Variants in PDSS2 observed in about 807,000 individuals in gnomAD.
The protein encoded by PDSS2 is all trans-polyprenyl-diphosphate synthase PDSS2.
PDSS2 carries 31 observed loss-of-function variants against 44.5 expected under a neutral mutation model. The observed-to-expected ratio is 0.70, with a 90% CI of 0.52 to 0.94. PDSS2 has a LOEUF of 0.94. Ranked by LOEUF, PDSS2 falls within the 40% of genes least tolerant of loss-of-function variation. PDSS2 has a pLI of 0.00. For synonymous variants in PDSS2, 157 were observed against 180.3 expected (o/e 0.87, Z 1.03); for missense variants, 452 against 482.2 (o/e 0.94, Z 0.59).
intron 4 of PDSS2, among the ~76,000 whole-genome samples, chr6:107,244,077 G>C (rs369594173): frequency 6.6e-6 from 1 of 152,152 alleles, no homozygotes; most frequent in South Asian, 2.1e-4. Flanking sequence ...GTGGTGAGCC[G>C]AGATCGTGCC....
chr6:107,154,309 G>C lies in PDSS2; in HGVS notation c.*310C>G, dbSNP rs782469718. 2.8e-6 allele frequency: 1 copy of C among 359,280 alleles called. No individual in the cohort carries two copies. Among genetic ancestry groups the C allele is most frequent in the African/African-American group, 2.1e-5 (1 of 47,270 alleles). 22.3% of individuals were successfully genotyped at this position (359,280 alleles called of 1,614,324 possible). On this transcript the variant is annotated 3_prime_UTR_variant, in exon 8 of 8. Transcript: ENST00000369037. ...ACCGCCCTGGCGCCATCCCTGGCTC[G>C]GTCCAATCAATAAGGACTTATTTCC...
intron 1 of PDSS2, among the ~76,000 whole-genome samples, chr6:107,366,226 G>A (rs1283338021): frequency 6.6e-6 from 1 of 152,040 alleles, no homozygotes; most frequent in Non-Finnish European, 1.5e-5. Context: ...CAAATAGAAA[G>A]AAATAGGGGA....
At chr6:107,307,523 C>CT (rs77184396) in intron 2 of PDSS2, among the ~76,000 whole-genome samples, 112 of 142,262 alleles carry the variant, frequency 7.9e-4, no homozygotes, top group East Asian at 2.3e-3. Flanking sequence ...CTTTTTAAGC[C>CT]TTTTTTTTTT....
intron 1 of PDSS2, among the ~76,000 whole-genome samples, chr6:107,370,577 G>A (rs977230346): frequency 6.6e-6 from 1 of 152,168 alleles, no homozygotes; most frequent in Admixed American, 6.5e-5. Flanking sequence ...TAAGCATAAC[G>A]AGTGTATTTC....
intron 1 of PDSS2, among the ~76,000 whole-genome samples, chr6:107,381,365 A>G (rs1441316919): frequency 6.6e-6 from 1 of 152,204 alleles, no homozygotes; most frequent in Admixed American, 6.5e-5. Context: ...CTCACTAACA[A>G]TAGAATTTCT....
At chr6:107,362,692 CT>C (rs1778817837) in intron 1 of PDSS2, among the ~76,000 whole-genome samples, 1 of 152,182 alleles carries the variant, frequency 6.6e-6, no homozygotes, top group Non-Finnish European at 1.5e-5. Context: ...TCATTAGAAA[CT>C]ATCTCTAAGT....
At chr6:107,423,559 T>C (rs1780894149) in intron 1 of PDSS2, among the ~76,000 whole-genome samples, 1 of 152,224 alleles carries the variant, frequency 6.6e-6, no homozygotes, top group Admixed American at 6.5e-5. Flanking sequence ...AGTTAAATAC[T>C]TGAAATGTCC....
intron 2 of PDSS2, among the ~76,000 whole-genome samples, chr6:107,326,514 G>A (rs890355740): frequency 1.3e-5 from 2 of 151,754 alleles, no homozygotes; most frequent in African/African-American, 2.4e-5. Flanking sequence ...CTTCTTATTC[G>A]CCAACTCACC....
At chr6:107,316,381 T>C (rs1202572722) in intron 2 of PDSS2, among the ~76,000 whole-genome samples, 2 of 152,108 alleles carry the variant, frequency 1.3e-5, no homozygotes, top group Non-Finnish European at 2.9e-5. Context: ...AGAGGACGGA[T>C]TGGTTTAATT....
At chr6:107,167,727 C>T (rs1379354273) in intron 7 of PDSS2, among the ~76,000 whole-genome samples, 26 of 152,138 alleles carry the variant, frequency 1.7e-4, no homozygotes, top group Non-Finnish European at 3.7e-4. Context: ...GCCTTCATTT[C>T]GTTATGTACC....
Position 107,367,134 on chromosome 6 carries a change from C to T in PDSS2, c.297-32802G>A, listed in dbSNP as rs545519289. 2.6e-5 allele frequency among the ~76,000 whole-genome samples: 4 copies of T among 152,200 alleles called. No individual in the cohort carries two copies. In the South Asian group the frequency reaches 6.2e-4, roughly 24 times the overall value. On this transcript the variant is annotated intron_variant, in intron 1 of 7. Coordinates refer to ENST00000369037, the MANE Select transcript of PDSS2 (RefSeq NM_020381.4). ...AATATAAAAAGAGGCTCATATACCA[C>T]GACTAAGTGGGATTCATCCCAGGGA...
At chr6:107,373,463 C>T (rs1194785902) in intron 1 of PDSS2, among the ~76,000 whole-genome samples, 3 of 152,074 alleles carry the variant, frequency 2.0e-5, no homozygotes, top group African/African-American at 7.2e-5. Context: ...AAACAGGAAA[C>T]AACGTGTTAA....
intron 7 of PDSS2, among the ~76,000 whole-genome samples, chr6:107,160,754 G>T (rs1237384073): frequency 7.2e-5 from 11 of 151,944 alleles, no homozygotes; most frequent in African/African-American, 2.4e-4. Flanking sequence ...GGGCCAAAGT[G>T]TGCAGAGTGT....
intron 7 of PDSS2, among the ~76,000 whole-genome samples, chr6:107,179,411 G>T (rs1771898635): frequency 6.6e-6 from 1 of 152,006 alleles, no homozygotes; most frequent in Non-Finnish European, 1.5e-5. Context: ...CTCCTGAATA[G>T]CTGGGATTAT....
intron 1 of PDSS2, among the ~76,000 whole-genome samples, chr6:107,391,149 T>C (rs1779767478): frequency 6.6e-6 from 1 of 152,028 alleles, no homozygotes; most frequent in Non-Finnish European, 1.5e-5. Context: ...CTAAGTATTT[T>C]ATTCTTGTGG....
intron 1 of PDSS2, among the ~76,000 whole-genome samples, chr6:107,367,188 T>C (rs529014763): frequency 2.0e-5 from 3 of 152,204 alleles, no homozygotes; most frequent in African/African-American, 4.8e-5. Flanking sequence ...CAAAGCACGA[T>C]GTAGGCTGAC....
At chr6:107,269,571 A>G (rs1306330455) in intron 3 of PDSS2, among the ~76,000 whole-genome samples, 1 of 152,142 alleles carries the variant, frequency 6.6e-6, no homozygotes, top group African/African-American at 2.4e-5. Context: ...TAATTCCCTA[A>G]AAGTCTCATG....
At chr6:107,192,070 A>T (rs184726002) in intron 7 of PDSS2, among the ~76,000 whole-genome samples, 104 of 152,340 alleles carry the variant, frequency 6.8e-4, no homozygotes, top group African/African-American at 2.4e-3. Flanking sequence ...ATTAAACAAC[A>T]GCAACAGAAA....
Position 107,154,613 on chromosome 6 carries a change from T to C in PDSS2, c.*6A>G, listed in dbSNP as rs1582702738. On this transcript the variant is annotated 3_prime_UTR_variant, in exon 8 of 8. Transcript: ENST00000369037. ...TAACTAACAATAGTGTCTTTTTAATTTGATGTCATGAAAATCTGGTCACAG... is the reference window on the plus strand; with the variant it reads ...TAACTAACAATAGTGTCTTTTTAATCTGATGTCATGAAAATCTGGTCACAG... 6.2e-7 allele frequency: 1 copy of C among 1,614,052 alleles called. No individual in the cohort carries two copies. Among genetic ancestry groups the C allele is most frequent in the Non-Finnish European group, 8.5e-7 (1 of 1,179,892 alleles).
Sources: allele counts gnomAD v4.1 joint callset (sites outside exome capture counted in the v4.1 genomes callset), GRCh38; gene constraint gnomAD v4.1.1; transcripts MANE v1.5; gene names NCBI Gene and HGNC (gene_info 2026-07-23, HGNC 2026-07-21).